ROR1: variants seen among roughly 807,000 people sequenced by gnomAD.
The protein encoded by ROR1 is ROR family WNT receptor 1.
A neutral mutation model predicts 78.8 loss-of-function variants in ROR1; 19 were observed. That is an observed-to-expected ratio of 0.24 (90% CI 0.17 to 0.35). ROR1 has a LOEUF of 0.35. Ranked by LOEUF, ROR1 falls within the 10% of genes least tolerant of loss-of-function variation. The pLI, the probability that ROR1 is intolerant of heterozygous loss-of-function variation, is 1.00. For synonymous variants in ROR1, 386 were observed against 433.6 expected (o/e 0.89, Z 1.36); for missense variants, 917 against 1,177.8 (o/e 0.78, Z 3.24).
At chr1:64,172,585 G>C (rs994768802) in intron 8 of ROR1, among the ~76,000 whole-genome samples, 1 of 152,072 alleles carries the variant, frequency 6.6e-6, no homozygotes, top group Non-Finnish European at 1.5e-5. Context: ...ATAGGAGCCC[G>C]GGACCCTATT....
chr1:64,164,830 A>G (rs144490575), intron 8 of ROR1, among the ~76,000 whole-genome samples: 13 of 152,314 alleles, frequency 8.5e-5, no homozygotes, highest in Admixed American at 3.3e-4. Context: ...GCTCTCACTT[A>G]AAAGTGAGAA....
At chr1:63,909,853 T>C (rs1645556269) in intron 1 of ROR1, among the ~76,000 whole-genome samples, 2 of 152,314 alleles carry the variant, frequency 1.3e-5, no homozygotes, top group Admixed American at 1.3e-4. Flanking sequence ...TTTTAAAGCA[T>C]TCAAAGGGTT....
intron 4 of ROR1, among the ~76,000 whole-genome samples, chr1:64,114,043 C>T (rs1237873040): frequency 6.6e-6 from 1 of 152,130 alleles, no homozygotes; most frequent in East Asian, 1.9e-4. Flanking sequence ...TTTTCTCCCT[C>T]TGCCCCTGAA....
intron 1 of ROR1, among the ~76,000 whole-genome samples, chr1:63,832,353 C>A (rs1219361875): frequency 6.6e-6 from 1 of 152,164 alleles, no homozygotes; most frequent in East Asian, 1.9e-4. Context: ...TAAAGAACTG[C>A]CTGAGACTGG....
intron 4 of ROR1, among the ~76,000 whole-genome samples, chr1:64,061,336 T>C (rs893945253): frequency 6.6e-6 from 1 of 152,192 alleles, no homozygotes; most frequent in Non-Finnish European, 1.5e-5. Flanking sequence ...TTCTACATCA[T>C]TTACACTTTC....
At chr1:63,943,180 A>G (rs1645856001) in intron 1 of ROR1, among the ~76,000 whole-genome samples, 1 of 151,740 alleles carries the variant, frequency 6.6e-6, no homozygotes. Flanking sequence ...GAATAGGTAC[A>G]CAGATGACAC....
intron 1 of ROR1, among the ~76,000 whole-genome samples, chr1:63,805,991 G>T (rs1272036779): frequency 6.6e-6 from 1 of 152,314 alleles, no homozygotes; most frequent in South Asian, 2.1e-4. Flanking sequence ...TGCACTCAAG[G>T]CTGGGCAACA....
At chr1:64,070,302 G>C (rs1646993045) in intron 4 of ROR1, among the ~76,000 whole-genome samples, 1 of 152,080 alleles carries the variant, frequency 6.6e-6, no homozygotes, top group East Asian at 1.9e-4. Context: ...ACCTGGATTT[G>C]AATCTTGTCC....
chr1:64,109,914 T>C (rs1648012333), intron 4 of ROR1, among the ~76,000 whole-genome samples: 1 of 152,112 alleles, frequency 6.6e-6, no homozygotes, highest in African/African-American at 2.4e-5. Context: ...GAATGTCTTA[T>C]TAATTAGCCC....
At chr1:63,860,596 CACACACACAT>C (rs1283200581) in intron 1 of ROR1, among the ~76,000 whole-genome samples, 6 of 143,932 alleles carry the variant, frequency 4.2e-5, no homozygotes, top group Non-Finnish European at 6.1e-5. Flanking sequence ...CACACACACA[CACACACACAT>C]ACACACACAC....
intron 4 of ROR1, among the ~76,000 whole-genome samples, chr1:64,118,632 CAAAAAAAAAAAA>C (rs3084938): frequency 0.52 from 33,806 of 65,438 alleles, 4,711 homozygotes; most frequent in Middle Eastern, 0.54. Flanking sequence ...GACTCCATCT[CAAAAAAAAAAAA>C]AAAAAAAAAA....
At chr1:64,167,812 G>C (rs941578123) in intron 8 of ROR1, among the ~76,000 whole-genome samples, 17 of 152,182 alleles carry the variant, frequency 1.1e-4, no homozygotes, top group African/African-American at 3.4e-4. Flanking sequence ...AGACAACAGA[G>C]CATCAACGGA....
intron 1 of ROR1, among the ~76,000 whole-genome samples, chr1:63,775,037 G>C (rs1644606034): frequency 6.6e-6 from 1 of 152,048 alleles, no homozygotes; most frequent in Non-Finnish European, 1.5e-5. Flanking sequence ...GCCTCGCATC[G>C]CCACCGCCCC....
intron 4 of ROR1, among the ~76,000 whole-genome samples, chr1:64,116,983 G>A (rs1648338344): frequency 6.6e-6 from 1 of 152,118 alleles, no homozygotes; most frequent in African/African-American, 2.4e-5. Context: ...TGCTCCTTGA[G>A]GGAAGAAATC....
chr1:64,128,000 C>G (rs1648774226), intron 4 of ROR1, among the ~76,000 whole-genome samples: 1 of 152,042 alleles, frequency 6.6e-6, no homozygotes, highest in Non-Finnish European at 1.5e-5. Context: ...AGGCAGGGCT[C>G]TCAGTGAGGG....
At chr1:63,852,999 C>G (rs1223412480) in intron 1 of ROR1, among the ~76,000 whole-genome samples, 1 of 152,120 alleles carries the variant, frequency 6.6e-6, no homozygotes, top group Non-Finnish European at 1.5e-5. Flanking sequence ...AACTTAGGGA[C>G]AGGTACACAC....
intron 1 of ROR1, among the ~76,000 whole-genome samples, chr1:63,856,641 C>G (rs1645150825): frequency 6.6e-6 from 1 of 152,176 alleles, no homozygotes; most frequent in Non-Finnish European, 1.5e-5. Flanking sequence ...TTCCTCCAGA[C>G]ACCTTGAGCT....
chr1:64,077,396 G>A lies in ROR1; in HGVS notation c.482+26680G>A, dbSNP rs535568282. Among the ~76,000 whole-genome samples, 17 of 152,288 alleles carry A rather than the reference G, an allele frequency of 1.1e-4. No individual in the cohort carries two copies. In the South Asian group the frequency reaches 2.3e-3, roughly 20 times the overall value. On this transcript the variant is annotated intron_variant, in intron 4 of 8. Transcript: ENST00000371079. The stretch of plus-strand genomic sequence containing the variant: ...CTTTTGAGGGCTTTCACACCCTCAC[G>A]TATCCTTTCCACCTGAACCTCAGTG...
intron 1 of ROR1, among the ~76,000 whole-genome samples, chr1:63,788,144 T>G (rs1644703475): frequency 6.6e-6 from 1 of 152,202 alleles, no homozygotes; most frequent in Admixed American, 6.5e-5. Context: ...ATTGTGTTCC[T>G]ACAATGCACA....
Sources: gnomAD v4.1 joint callset for allele counts (sites outside exome capture counted in the v4.1 genomes callset) on GRCh38, gnomAD v4.1.1 for gene constraint, MANE v1.5 for transcripts, NCBI Gene and HGNC (gene_info 2026-07-23, HGNC 2026-07-21) for gene names.